CSN3: variants seen among roughly 807,000 people sequenced by gnomAD.
CSN3 encodes kappa-casein.
CSN3 carries 7 observed loss-of-function variants against 9.9 expected under a neutral mutation model. The observed-to-expected ratio is 0.71, with a 90% CI of 0.40 to 1.33. The LOEUF (loss-of-function observed/expected upper bound fraction) is 1.33, where lower values mean the gene tolerates loss of function less well. Ranked by LOEUF, CSN3 falls within the 40% of genes most tolerant of loss-of-function variation. The pLI is 0.01. For missense variants in CSN3, 253 were observed against 227.9 expected (o/e 1.11, Z -0.71); for synonymous variants, 88 against 82.3 (o/e 1.07, Z -0.37).
intron 2 of CSN3, among the ~76,000 whole-genome samples, chr4:70,245,483 T>G (rs1203061773): frequency 6.6e-6 from 1 of 152,206 alleles, no homozygotes; most frequent in Non-Finnish European, 1.5e-5. Flanking sequence ...TATCTTGAAT[T>G]ATATGCAATG....
At chr4:70,243,285 GT>G (rs1730308021) in intron 1 of CSN3, 2 of 332,988 alleles carry the variant, frequency 6.0e-6, no homozygotes, top group Non-Finnish European at 8.5e-6. Context: ...TCATTTTACT[GT>G]GTGAACTGAT....
At chr4:70,243,302 G>C (rs1373150118) in intron 1 of CSN3, 2 of 243,804 alleles carry the variant, frequency 8.2e-6, no homozygotes, top group Non-Finnish European at 1.3e-5. Context: ...CTGATAAGGG[G>C]TCTGTGATTC....
upstream of CSN3, among the ~76,000 whole-genome samples, chr4:70,239,930 C>T (rs920387563): frequency 3.9e-5 from 6 of 151,922 alleles, no homozygotes; most frequent in Middle Eastern, 3.4e-3. Context: ...TTAGAAAATA[C>T]CAATTTTCTA....
At chr4:70,238,632 G>A (rs940625495), upstream of CSN3, among the ~76,000 whole-genome samples, 2 of 151,900 alleles carry the variant, frequency 1.3e-5, no homozygotes, top group South Asian at 4.1e-4. Context: ...GGCGATAAGA[G>A]TGAAAGTAAA....
chr4:70,248,755 C>G lies in CSN3; in HGVS notation c.88-243C>G, dbSNP rs3775744. ...TGGTTTACATTATGAATAAACTCAT[C>G]TAATTTCTTGAAACAAATATTATAT... On this transcript the variant is annotated intron_variant, in intron 3 of 4. Transcript: ENST00000304954. 1.6e-3 allele frequency among the ~76,000 whole-genome samples: 250 copies of G among 151,722 alleles called. 6 individuals carry two copies. The East Asian group carries it at 0.046, about 28-fold the overall frequency.
chr4:70,245,763 T>C (rs1411808154), intron 2 of CSN3, among the ~76,000 whole-genome samples: 2 of 152,176 alleles, frequency 1.3e-5, no homozygotes, highest in Non-Finnish European at 2.9e-5. Flanking sequence ...ATCTATTAAT[T>C]AATTCTATTA....
exon 4 of CSN3, chr4:70,249,182 C>A: frequency 6.2e-7 from 1 of 1,614,056 alleles, no homozygotes; most frequent in Non-Finnish European, 8.5e-7. Flanking sequence ...AGGCCACATG[C>A]CCAAATTCCT....
chr4:70,241,431 C>T (rs1730267587), upstream of CSN3, among the ~76,000 whole-genome samples: 1 of 151,986 alleles, frequency 6.6e-6, no homozygotes, highest in African/African-American at 2.4e-5. Context: ...AAGAAACAGA[C>T]AGGAATATAG....
chr4:70,239,097 G>A (rs974427951), upstream of CSN3, among the ~76,000 whole-genome samples: 16 of 151,750 alleles, frequency 1.1e-4, no homozygotes, highest in African/African-American at 2.9e-4. Context: ...TAAAGATAGA[G>A]GGAGAAAAGA....
chr4:70,238,759 GAATT>G (rs1258827185), upstream of CSN3, among the ~76,000 whole-genome samples: 5 of 151,748 alleles, frequency 3.3e-5, no homozygotes, highest in Admixed American at 1.3e-4. Context: ...TGTTAAGATA[GAATT>G]AATAATTCTT....
At chr4:70,243,860 A>G (rs1730320563) in intron 1 of CSN3, among the ~76,000 whole-genome samples, 2 of 152,070 alleles carry the variant, frequency 1.3e-5, no homozygotes, top group African/African-American at 4.8e-5. Context: ...TCATCTCTAT[A>G]CTTCTTATTA....
rs991729529 is a variant in CSN3, at chr4:70,249,024, C to T, written c.114C>T (p.Phe38=). Residue 38 remains phenylalanine (F), a synonymous_variant, in exon 4 of 5, where the codon TTC becomes TTT. Transcript: ENST00000304954. ...GCCATGAGAATGATGAAAGACCATT[C>T]TATCAGAAAACAGCTCCATATGTCC... 1.9e-6 allele frequency: 3 copies of T among 1,600,124 alleles called. No homozygotes were observed. The Admixed American group carries it at 5.2e-5, about 28-fold the overall frequency.
intron 2 of CSN3, among the ~76,000 whole-genome samples, chr4:70,247,005 A>C (rs1315191522): frequency 6.6e-6 from 1 of 152,080 alleles, no homozygotes; most frequent in African/African-American, 2.4e-5. Flanking sequence ...CTAATGATTT[A>C]ATATATTTAA....
Position 70,249,502 on chromosome 4 carries a change from A to C in CSN3, c.*34+9A>C. On this transcript the variant is annotated intron_variant, in intron 4 of 4. Coordinates refer to ENST00000304954, the Ensembl canonical transcript of CSN3. ...CAAAGAACACAACGCAGGTAAATTA[A>C]CAGTATATAAAATGAGTAATTCCGA... The C allele has an allele frequency of 6.8e-7, 1 of 1,462,492 alleles. No homozygotes were observed. Among genetic ancestry groups the C allele is most frequent in the Non-Finnish European group, 9.5e-7 (1 of 1,055,018 alleles). The allele number at this position is 1,462,492 out of a possible 1,614,324, so 90.6% of individuals were successfully genotyped here.
chr4:70,249,198 G>C, exon 4 of CSN3: 1 of 1,613,938 alleles, frequency 6.2e-7, no homozygotes, highest in Non-Finnish European at 8.5e-7. Flanking sequence ...TTCCTCAGCG[G>C]CAATACCTGC....
At chr4:70,249,923 C>A (rs190100559) in intron 4 of CSN3, among the ~76,000 whole-genome samples, 5 of 152,152 alleles carry the variant, frequency 3.3e-5, no homozygotes, top group Non-Finnish European at 7.4e-5. Flanking sequence ...TTCTCTTGCA[C>A]TCTCATTGTA....
Position 70,244,806 on chromosome 4 carries a change from C to G in CSN3, c.-8-6C>G. The G allele has an allele frequency of 6.7e-7, 1 of 1,494,616 alleles. No homozygotes were observed. Among genetic ancestry groups the G allele is most frequent in the Non-Finnish European group, 9.0e-7 (1 of 1,114,002 alleles). The allele number at this position is 1,494,616 out of a possible 1,614,324, so 92.6% of individuals were successfully genotyped here. ...TAAATTAATTTTTTTTTAAATTTATCTTTAGGTGCAATAATGAAGAGTTTT... is the reference window on the plus strand; with the variant it reads ...TAAATTAATTTTTTTTTAAATTTATGTTTAGGTGCAATAATGAAGAGTTTT... On this transcript the variant is annotated splice_polypyrimidine_tract_variant and splice_region_variant and intron_variant, in intron 1 of 4. Transcript: ENST00000304954.
intron 4 of CSN3, among the ~76,000 whole-genome samples, chr4:70,249,711 A>T (rs1730448884): frequency 1.3e-5 from 2 of 152,186 alleles, no homozygotes; most frequent in Non-Finnish European, 2.9e-5. Context: ...ACAAAGTGAA[A>T]ATAATTGGCA....
exon 4 of CSN3, chr4:70,249,010 G>C: frequency 6.3e-7 from 1 of 1,588,422 alleles, no homozygotes; most frequent in Non-Finnish European, 8.6e-7. Context: ...CCATGAGAAT[G>C]ATGAAAGACC....
Sources: allele counts gnomAD v4.1 joint callset (sites outside exome capture counted in the v4.1 genomes callset), GRCh38; gene constraint gnomAD v4.1.1; transcripts MANE v1.5; gene names NCBI Gene and HGNC (gene_info 2026-07-23, HGNC 2026-07-21).